Variants in SEMA3E observed in about 807,000 individuals in gnomAD.
The protein encoded by SEMA3E is semaphorin 3E.
Under a neutral mutation model 93.6 loss-of-function variants are expected in SEMA3E, and 49 were observed. The ratio of observed to expected loss-of-function variants is 0.52; its 90% CI spans 0.42 to 0.66. The LOEUF (loss-of-function observed/expected upper bound fraction) is 0.66. SEMA3E is among the 30% of genes least tolerant of loss of function. SEMA3E has a pLI of 0.00. For synonymous variants in SEMA3E, 363 were observed against 330.7 expected (o/e 1.10, Z -1.06); for missense variants, 906 against 964.8 (o/e 0.94, Z 0.81).
intron 10 of SEMA3E, 133 bp downstream of exon 10, chr7:83,402,499 A>G (rs981213486): frequency 1.3e-6 from 1 of 754,550 alleles, no homozygotes; most frequent in Non-Finnish European, 2.2e-6. Context: ...TACTACATAT[A>G]CTTTTCACCA....
At chr7:83,406,493 A>C (rs1788332543) in intron 7 of SEMA3E, among the ~76,000 whole-genome samples, 1 of 151,860 alleles carries the variant, frequency 6.6e-6, no homozygotes, top group East Asian at 1.9e-4. Context: ...CAACACCCAT[A>C]CTATATATGT....
chr7:83,387,443 T>C (rs1431883543), intron 14 of SEMA3E, among the ~76,000 whole-genome samples: 1 of 152,126 alleles, frequency 6.6e-6, no homozygotes, highest in Non-Finnish European at 1.5e-5. Context: ...AAACAGTTAT[T>C]TTGAGTATAA....
intron 1 of SEMA3E, among the ~76,000 whole-genome samples, chr7:83,519,994 G>T (rs564142295): frequency 1.3e-5 from 2 of 152,042 alleles, no homozygotes; most frequent in African/African-American, 4.8e-5. Flanking sequence ...TCACATCATA[G>T]ATGCCCTATA....
At chr7:83,477,073 C>T (rs56274641) in intron 2 of SEMA3E, among the ~76,000 whole-genome samples, 32,117 of 152,040 alleles carry the variant, frequency 0.21, 3,754 homozygotes, top group Middle Eastern at 0.36. Flanking sequence ...GATCTAACAG[C>T]TTATTGTTAC....
chr7:83,532,497 T>C (rs536982300), intron 1 of SEMA3E, among the ~76,000 whole-genome samples: 3 of 152,326 alleles, frequency 2.0e-5, no homozygotes, highest in East Asian at 1.9e-4. Context: ...AATGTGTGAC[T>C]GGACTGCATT....
chr7:83,632,224 G>A (rs548105304), intron 1 of SEMA3E, among the ~76,000 whole-genome samples: 262 of 152,040 alleles, frequency 1.7e-3, no homozygotes, highest in African/African-American at 6.1e-3. Context: ...AGCATCTCTG[G>A]AGTATAAATT....
chr7:83,460,697 A>C (rs867833803), intron 4 of SEMA3E, among the ~76,000 whole-genome samples: 1 of 147,498 alleles, frequency 6.8e-6, no homozygotes, highest in Non-Finnish European at 1.5e-5. Context: ...TCTGCACCCC[A>C]ATCCCTTATT....
chr7:83,648,360 C>CT (rs373193415), intron 1 of SEMA3E, 68 bp downstream of exon 1: 774 of 1,210,300 alleles, frequency 6.4e-4, no homozygotes, highest in Non-Finnish European at 7.8e-4. Context: ...TGTTAAACGA[C>CT]TTTTTTTTTC....
chr7:83,511,650 C>T (rs1000281642), intron 1 of SEMA3E, among the ~76,000 whole-genome samples: 6 of 151,920 alleles, frequency 3.9e-5, no homozygotes, highest in African/African-American at 1.2e-4. Context: ...TTTGGAAGGG[C>T]GAGACAGGTG....
intron 1 of SEMA3E, among the ~76,000 whole-genome samples, chr7:83,518,828 T>C (rs1433149331): frequency 6.6e-6 from 1 of 152,082 alleles, no homozygotes; most frequent in Non-Finnish European, 1.5e-5. Context: ...ATTTCACAGC[T>C]CTGAAATTTA....
chr7:83,444,509 C>T (rs1789183769), intron 4 of SEMA3E, among the ~76,000 whole-genome samples: 1 of 151,896 alleles, frequency 6.6e-6, no homozygotes, highest in Non-Finnish European at 1.5e-5. Context: ...AGATAAAGAC[C>T]AATTATGGGA....
intron 16 of SEMA3E, among the ~76,000 whole-genome samples, chr7:83,379,461 TAGAATAGCATGGCATATAGTAAGCA>T (rs1787733310): frequency 6.6e-6 from 1 of 151,902 alleles, no homozygotes; most frequent in South Asian, 2.1e-4. Flanking sequence ...ATAAAGCACT[TAGAATAGCATGGCATATAGTAAGCA>T]CTAAATGAAT....
intron 1 of SEMA3E, among the ~76,000 whole-genome samples, chr7:83,584,474 A>G (rs1024400661): frequency 1.3e-5 from 2 of 152,170 alleles, no homozygotes; most frequent in African/African-American, 4.8e-5. Context: ...AAAAAATACC[A>G]CTGGTAGAAA....
chr7:83,407,145 T>G lies in SEMA3E; in HGVS notation c.765A>C (p.Ala255=), dbSNP rs143878781. 3.5e-5 allele frequency: 56 copies of G among 1,613,552 alleles called. No homozygotes were observed. In the Middle Eastern group the frequency reaches 9.9e-4, roughly 28 times the overall value. ...TGTAAATTGCGTGAGCATTGTTTTC[T>G]GCCTCCAGTGCCTTCTCAGTAAAAA... ...YFFFTEKALE[A]ENNAHAIYTR... The change falls in exon 7 of 17, where the codon GCA becomes GCC. Residue 255 remains alanine (A), a synonymous_variant. Transcript: ENST00000643230.
chr7:83,491,760 T>C (rs1395154725), intron 1 of SEMA3E, among the ~76,000 whole-genome samples: 1 of 151,978 alleles, frequency 6.6e-6, no homozygotes, highest in East Asian at 1.9e-4. Flanking sequence ...TGGTAGAAAA[T>C]CTATTCCCTA....
At chr7:83,450,466 CTCAGTA>C (rs926515439) in intron 4 of SEMA3E, among the ~76,000 whole-genome samples, 7 of 152,270 alleles carry the variant, frequency 4.6e-5, no homozygotes, top group African/African-American at 1.7e-4. Context: ...ATAGATCAAT[CTCAGTA>C]TAACTGTTGA....
At chr7:83,606,257 GAA>G (rs1362665799) in intron 1 of SEMA3E, among the ~76,000 whole-genome samples, 3 of 152,158 alleles carry the variant, frequency 2.0e-5, no homozygotes, top group Non-Finnish European at 4.4e-5. Flanking sequence ...TGGTGACCTA[GAA>G]AAAGCTATTG....
chr7:83,434,925 G>A (rs879134355), intron 4 of SEMA3E, among the ~76,000 whole-genome samples: 1 of 151,382 alleles, frequency 6.6e-6, no homozygotes, highest in Non-Finnish European at 1.5e-5. Flanking sequence ...GTTTTAGCCG[G>A]GATGGTCTCG....
intron 1 of SEMA3E, among the ~76,000 whole-genome samples, chr7:83,570,555 A>AAAAAAAAAAACAAAAAAAAAAAC (rs1792262410): frequency 1.4e-5 from 2 of 144,044 alleles, no homozygotes; most frequent in African/African-American, 5.2e-5. Flanking sequence ...TCCGTCTCAA[A>AAAAAAAAAAACAAAAAAAAAAAC]AAAAAAAAAA....
Sources: gnomAD v4.1 joint callset for allele counts (sites outside exome capture counted in the v4.1 genomes callset) on GRCh38, gnomAD v4.1.1 for gene constraint, MANE v1.5 for transcripts, NCBI Gene and HGNC (gene_info 2026-07-23, HGNC 2026-07-21) for gene names.